Variants in DOCK1 observed in about 807,000 individuals in gnomAD.
The protein encoded by DOCK1 is dedicator of cytokinesis protein 1.
In DOCK1, 138 loss-of-function variants were observed where a neutral mutation model predicts 262.7. The observed-to-expected ratio is 0.53, with a 90% CI of 0.46 to 0.61. The LOEUF (loss-of-function observed/expected upper bound fraction) is 0.61. Ranked by LOEUF, DOCK1 falls within the 20% of genes least tolerant of loss-of-function variation. DOCK1 has a pLI of 0.00. For missense variants in DOCK1, 1,908 were observed against 2,370.7 expected, an observed-to-expected ratio of 0.80 and a Z score of 4.05; for synonymous variants, 866 against 867.4, an observed-to-expected ratio of 1.00 and a Z score of 0.03.
At chr10:126,949,146 T>C (rs958028972) in intron 1 of DOCK1, among the ~76,000 whole-genome samples, 5 of 152,110 alleles carry the variant, frequency 3.3e-5, no homozygotes, top group Non-Finnish European at 7.4e-5. Context: ...GGTTCCCCTC[T>C]GCACTTGTTT....
At chr10:127,212,854 C>T (rs1056244662) in intron 27 of DOCK1, among the ~76,000 whole-genome samples, 2 of 150,218 alleles carry the variant, frequency 1.3e-5, no homozygotes, top group African/African-American at 2.4e-5. Context: ...TTTGCTTCAG[C>T]GTCTCTTCTG....
At chr10:127,026,101 G>A (rs2042840153) in intron 15 of DOCK1, 1 of 461,478 alleles carries the variant, frequency 2.2e-6, no homozygotes, top group Non-Finnish European at 3.8e-6. Context: ...AACAGTAATG[G>A]TCAGAGCATT....
intron 27 of DOCK1, among the ~76,000 whole-genome samples, chr10:127,147,442 TG>T (rs1457189923): frequency 6.6e-6 from 1 of 152,188 alleles, no homozygotes; most frequent in Admixed American, 6.5e-5. Context: ...TCGGGCACCC[TG>T]GCTTCCTTCA....
At chr10:126,908,841 A>G (rs146182313) in intron 1 of DOCK1, among the ~76,000 whole-genome samples, 1 of 152,326 alleles carries the variant, frequency 6.6e-6, no homozygotes, top group African/African-American at 2.4e-5. Context: ...CCCGACGTCA[A>G]TAAAATTATG....
chr10:127,428,137 C>A (rs1385716425), intron 47 of DOCK1, among the ~76,000 whole-genome samples: 1 of 152,230 alleles, frequency 6.6e-6, no homozygotes, highest in Non-Finnish European at 1.5e-5. Context: ...CGTCACATCG[C>A]ATCTCTTTCA....
chr10:127,291,766 T>G (rs996441416), intron 29 of DOCK1, among the ~76,000 whole-genome samples: 1 of 152,218 alleles, frequency 6.6e-6, no homozygotes, highest in Non-Finnish European at 1.5e-5. Context: ...TACTGTTTAT[T>G]ATAGCCTACG....
At chr10:126,946,034 T>C (rs1015363580) in intron 1 of DOCK1, among the ~76,000 whole-genome samples, 34 of 152,214 alleles carry the variant, frequency 2.2e-4, no homozygotes, top group Admixed American at 6.5e-4. Flanking sequence ...TCACATACCA[T>C]GCAGGGTATC....
chr10:127,027,188 C>T (rs1203979536), intron 16 of DOCK1, among the ~76,000 whole-genome samples: 1 of 152,258 alleles, frequency 6.6e-6, no homozygotes, highest in East Asian at 1.9e-4. Flanking sequence ...GCAGACCGCC[C>T]TTTGTCACTG....
intron 23 of DOCK1, among the ~76,000 whole-genome samples, chr10:127,066,744 G>T (rs1260614906): frequency 3.3e-5 from 5 of 152,190 alleles, no homozygotes; most frequent in Admixed American, 3.3e-4. Context: ...GCTGTTCAAC[G>T]TGCTTTGTAT....
intron 47 of DOCK1, among the ~76,000 whole-genome samples, chr10:127,428,160 G>A (rs1027279552): frequency 6.6e-6 from 1 of 152,242 alleles, no homozygotes; most frequent in Admixed American, 6.5e-5. Flanking sequence ...GTTGATGCCT[G>A]TATTAATTCA....
intron 29 of DOCK1, among the ~76,000 whole-genome samples, chr10:127,316,479 A>G (rs2062286646): frequency 6.6e-6 from 1 of 152,196 alleles, no homozygotes; most frequent in South Asian, 2.1e-4. Context: ...AGAAAAAGCC[A>G]TCTGTGTTTT....
intron 29 of DOCK1, among the ~76,000 whole-genome samples, chr10:127,315,064 C>T: frequency 6.6e-6 from 1 of 152,262 alleles, no homozygotes; most frequent in Middle Eastern, 3.4e-3. Context: ...GGGCCTGAAA[C>T]CTGGGAGGCT....
At chr10:127,428,504 G>A (rs1209806885) in intron 47 of DOCK1, among the ~76,000 whole-genome samples, 1 of 151,484 alleles carries the variant, frequency 6.6e-6, no homozygotes, top group Non-Finnish European at 1.5e-5. Flanking sequence ...GGGGTGTCGT[G>A]TGGATTGGGG....
intron 16 of DOCK1, among the ~76,000 whole-genome samples, chr10:127,028,570 C>T (rs1017595008): frequency 2.0e-5 from 3 of 152,130 alleles, no homozygotes; most frequent in Admixed American, 6.5e-5. Flanking sequence ...TCCTTGTGCC[C>T]GAGCCTTATG....
chr10:127,204,995 C>T (rs1469495235), intron 27 of DOCK1, among the ~76,000 whole-genome samples: 2 of 152,040 alleles, frequency 1.3e-5, no homozygotes, highest in Non-Finnish European at 2.9e-5. Flanking sequence ...ATGCCTTGGG[C>T]TATCTGAGCT....
At position 127,042,680 on chromosome 10, in the gene DOCK1, G is replaced by A. The variant is rs1343423456; in HGVS notation, c.2066G>A (p.Ser689Asn). Residue 689 changes from serine to asparagine, a missense_variant, in exon 20 of 52, where the codon AGT (serine) becomes AAT (asparagine). This residue lies in a region of DOCK1 where 294 missense variants were observed against 439.9 expected (regional missense o/e 0.67). Transcript: ENST00000623213. ...LFNIMMENSE[S>N]ETFDTLVFDA... ...AACATCATGATGGAGAACTCAGAGAGTGAGACTTTTGACACGTTAGTCTTT... is the reference window on the plus strand; with the variant it reads ...AACATCATGATGGAGAACTCAGAGAATGAGACTTTTGACACGTTAGTCTTT... 1 of 1,614,048 alleles carries A rather than the reference G, an allele frequency of 6.2e-7. No individual in the cohort carries two copies. The highest frequency in any genetic ancestry group is 8.5e-7 in the Non-Finnish European group (1 of 1,180,022).
At chr10:126,977,837 A>T in intron 2 of DOCK1, 111 bp from the exon 3 acceptor site, 1 of 1,061,040 alleles carries the variant, frequency 9.4e-7, no homozygotes, top group Non-Finnish European at 1.4e-6. Flanking sequence ...TGCTGGTGAC[A>T]AACTGACCTC....
intron 10 of DOCK1, among the ~76,000 whole-genome samples, chr10:127,004,392 ATATCT>A (rs1565053048): frequency 6.6e-6 from 1 of 152,162 alleles, no homozygotes; most frequent in African/African-American, 2.4e-5. Context: ...CAAAAAGTAA[ATATCT>A]TAATGCAGTG....
chr10:127,063,016 C>T (rs146940756), intron 23 of DOCK1, among the ~76,000 whole-genome samples: 5 of 152,162 alleles, frequency 3.3e-5, no homozygotes, highest in African/African-American at 1.2e-4. Flanking sequence ...GCCCATGGAG[C>T]AGCCGCAGGA....
Sources: allele counts gnomAD v4.1 joint callset (sites outside exome capture counted in the v4.1 genomes callset), GRCh38; gene constraint gnomAD v4.1.1; regional missense constraint gnomAD v4.1.1; transcripts MANE v1.5; gene names NCBI Gene and HGNC (gene_info 2026-07-23, HGNC 2026-07-21).